Variants in SEMA5B observed in about 807,000 individuals in gnomAD.
SEMA5B encodes the protein semaphorin 5B.
Under a neutral mutation model 135.0 loss-of-function variants are expected in SEMA5B, and 66 were observed. That is an observed-to-expected ratio of 0.49 (90% CI 0.40 to 0.60). The LOEUF (loss-of-function observed/expected upper bound fraction) is 0.60, where lower values mean the gene tolerates loss of function less well. SEMA5B is among the 20% of genes least tolerant of loss of function. SEMA5B has a pLI of 0.00. For missense variants in SEMA5B, 1,501 were observed against 1,566.3 expected (o/e 0.96, Z 0.70); for synonymous variants, 690 against 639.5 (o/e 1.08, Z -1.19).
In SEMA5B at chr3:122,993,880, AGCG is replaced by A. The variant is rs200206274; in HGVS notation, c.-38-32582_-38-32580del. On this transcript the variant is annotated intron_variant, in intron 1 of 22. Transcript: ENST00000357599. ...GGAAGAAGCATTTCACGAAATAGTC[AGCG>A]GCATCGCCCCTCCTTTTCCCAGCCC... Among the ~76,000 whole-genome samples the A allele has an allele frequency of 8.6e-3, 1,303 of 152,114 alleles. 22 individuals are homozygous for A. The highest frequency in any genetic ancestry group is 0.03 in the African/African-American group (1,240 of 41,488).
intron 3 of SEMA5B, among the ~76,000 whole-genome samples, chr3:122,947,880 CT>C (rs1939861781): frequency 6.6e-6 from 1 of 151,414 alleles, no homozygotes; most frequent in African/African-American, 2.4e-5. Flanking sequence ...GAGAGAATGT[CT>C]GGTATTTGTG....
chr3:122,936,128 G>A (rs9838602), intron 5 of SEMA5B, among the ~76,000 whole-genome samples: 5 of 151,924 alleles, frequency 3.3e-5, no homozygotes, highest in Admixed American at 6.5e-5. Flanking sequence ...GGGGTGGAGA[G>A]AGACGTGTCT....
intron 1 of SEMA5B, among the ~76,000 whole-genome samples, chr3:122,974,227 C>A (rs1941232337): frequency 6.6e-6 from 1 of 152,210 alleles, no homozygotes; most frequent in Non-Finnish European, 1.5e-5. Flanking sequence ...ACTGTCCAGC[C>A]CTGGCCAGAA....
At chr3:123,027,389 C>T (rs1315498426) in intron 1 of SEMA5B, 75 bp downstream of exon 1, 2 of 152,408 alleles carry the variant, frequency 1.3e-5, no homozygotes, top group Non-Finnish European at 1.5e-5. Context: ...CCCCGATACC[C>T]ACCCGAGTTG....
intron 5 of SEMA5B, among the ~76,000 whole-genome samples, chr3:122,933,381 A>G (rs1939081321): frequency 6.6e-6 from 1 of 152,164 alleles, no homozygotes; most frequent in South Asian, 2.1e-4. Context: ...TTGGAATTTT[A>G]AAGGCATTTA....
chr3:122,958,552 G>A (rs1940437495), intron 2 of SEMA5B, among the ~76,000 whole-genome samples: 1 of 152,134 alleles, frequency 6.6e-6, no homozygotes, highest in Admixed American at 6.5e-5. Flanking sequence ...CCACTTGTGG[G>A]GCCAAGCTTA....
At chr3:122,933,015 T>C (rs1458273225) in intron 5 of SEMA5B, among the ~76,000 whole-genome samples, 2 of 152,122 alleles carry the variant, frequency 1.3e-5, no homozygotes, top group East Asian at 3.9e-4. Context: ...CCACCATGCC[T>C]GGGCTCAATA....
intron 5 of SEMA5B, among the ~76,000 whole-genome samples, chr3:122,929,438 T>A (rs2107659983): frequency 6.6e-6 from 1 of 152,290 alleles, no homozygotes; most frequent in East Asian, 1.9e-4. Context: ...ATGCGCCTAT[T>A]CTGTGCCAGA....
At chr3:122,944,572 T>C (rs1241829002) in intron 3 of SEMA5B, among the ~76,000 whole-genome samples, 1 of 152,164 alleles carries the variant, frequency 6.6e-6, no homozygotes, top group African/African-American at 2.4e-5. Context: ...CAGACAAGAT[T>C]CTGCAGAGGT....
chr3:123,003,849 TAAA>T (rs552346473), intron 1 of SEMA5B, among the ~76,000 whole-genome samples: 9,352 of 151,770 alleles, frequency 0.062, 836 homozygotes, highest in African/African-American at 0.2. Flanking sequence ...AATAAATAAA[TAAA>T]TAAATAATAA....
chr3:122,972,966 G>T (rs772476382), intron 1 of SEMA5B, among the ~76,000 whole-genome samples: 1 of 152,208 alleles, frequency 6.6e-6, no homozygotes, highest in Non-Finnish European at 1.5e-5. Context: ...GCTCACACTG[G>T]ATAAGGTCCC....
chr3:122,962,665 C>T (rs537855691), intron 1 of SEMA5B, among the ~76,000 whole-genome samples: 2 of 152,164 alleles, frequency 1.3e-5, no homozygotes, highest in African/African-American at 4.8e-5. Context: ...AGGATTTACA[C>T]CCAATTTTTC....
rs73856784 is a variant in SEMA5B, at chr3:122,978,782, T to A, written c.-38-17481A>T. Among the ~76,000 whole-genome samples, 1,065 of 152,180 alleles carry A rather than the reference T, an allele frequency of 7.0e-3. 14 individuals are homozygous for A. The highest frequency in any genetic ancestry group is 0.023 in the African/African-American group (953 of 41,522). On this transcript the variant is annotated intron_variant, in intron 1 of 22. Transcript: ENST00000357599. The stretch of plus-strand genomic sequence containing the variant: ...GGGGAGTAAATAGGTGCTCAATAAA[T>A]GCATGTTCAGCTCAACTGAGCAAAG...
intron 2 of SEMA5B, among the ~76,000 whole-genome samples, chr3:122,957,571 TACGACCCTAAAAG>T (rs1438192040): frequency 6.6e-6 from 1 of 152,228 alleles, no homozygotes; most frequent in Non-Finnish European, 1.5e-5. Flanking sequence ...AAAGACAACC[TACGACCCTAAAAG>T]ATGGGGGCTT....
At chr3:122,941,163 T>C (rs1156929053) in intron 4 of SEMA5B, among the ~76,000 whole-genome samples, 1 of 151,958 alleles carries the variant, frequency 6.6e-6, no homozygotes, top group African/African-American at 2.4e-5. Flanking sequence ...GAAGACAATG[T>C]CAGGCAGAAG....
intron 1 of SEMA5B, among the ~76,000 whole-genome samples, chr3:122,995,214 A>G (rs1202199275): frequency 3.9e-5 from 6 of 152,188 alleles, no homozygotes; most frequent in Admixed American, 3.9e-4. Context: ...TTGCCTGGGA[A>G]AAATGTTAGT....
chr3:122,942,128 A>C (rs572791900), intron 4 of SEMA5B, among the ~76,000 whole-genome samples: 7 of 152,312 alleles, frequency 4.6e-5, no homozygotes, highest in Non-Finnish European at 8.8e-5. Context: ...AAAATAGTTA[A>C]TTTAAAAATT....
At chr3:122,916,731 A>G (rs1303815888) in intron 12 of SEMA5B, among the ~76,000 whole-genome samples, 2 of 152,122 alleles carry the variant, frequency 1.3e-5, no homozygotes, top group Non-Finnish European at 2.9e-5. Flanking sequence ...ACACCTGGGT[A>G]CTGTCCATGG....
intron 1 of SEMA5B, among the ~76,000 whole-genome samples, chr3:122,986,698 GACAC>G (rs372930512): frequency 8.0e-5 from 12 of 150,078 alleles, no homozygotes; most frequent in Non-Finnish European, 1.5e-4. Context: ...CACACACACA[GACAC>G]ACACACACAC....
Sources: gnomAD v4.1 joint callset for allele counts (sites outside exome capture counted in the v4.1 genomes callset) on GRCh38, gnomAD v4.1.1 for gene constraint, MANE v1.5 for transcripts, NCBI Gene and HGNC (gene_info 2026-07-23, HGNC 2026-07-21) for gene names.